Variants in SPATA18 observed in about 807,000 individuals in gnomAD.
SPATA18 encodes the protein mitochondria-eating protein.
Under a neutral mutation model 68.1 loss-of-function variants are expected in SPATA18, and 54 were observed. The observed-to-expected ratio is 0.79, with a 90% CI of 0.64 to 0.99. The LOEUF (loss-of-function observed/expected upper bound fraction) is 0.99. Ranked by LOEUF, SPATA18 falls within the 50% of genes least tolerant of loss-of-function variation. The probability of loss-of-function intolerance (pLI) is 0.00; values close to 1 mark genes in which losing one functional copy is unlikely to be tolerated. For missense variants in SPATA18, 724 were observed against 681.1 expected (o/e 1.06, Z -0.70); for synonymous variants, 242 against 244.8 (o/e 0.99, Z 0.11).
rs777367699 is a variant in SPATA18 at position 52,069,891 on chromosome 4, G to A, written c.493G>A (p.Glu165Lys). 42 of 1,590,918 alleles carry A rather than the reference G, an allele frequency of 2.6e-5. No homozygotes were observed. The South Asian group carries it at 4.6e-4, about 17-fold the overall frequency. The change falls in exon 5 of 13, where the codon GAG (glutamate) becomes AAG (lysine). Residue 165 changes from glutamate (E) to lysine (K), a missense_variant. Glu to Lys is a moderately conservative substitution (Grantham distance 56). Coordinates refer to ENST00000295213, the MANE Select transcript of SPATA18 (RefSeq NM_145263.4). Reference protein sequence around the residue: ...RSAISLLAAEEEINQLKKQLK... With the variant: ...RSAISLLAAEKEINQLKKQLK... ...GGCCATATCCCTTTTGGCTGCAGAGGAGGAAATAAATCAGCTGAAAAAGCA... is the reference window on the plus strand; with the variant it reads ...GGCCATATCCCTTTTGGCTGCAGAGAAGGAAATAAATCAGCTGAAAAAGCA...
At chr4:52,058,690 C>T (rs933592157) in intron 1 of SPATA18, among the ~76,000 whole-genome samples, 35 of 152,152 alleles carry the variant, frequency 2.3e-4, no homozygotes, top group African/African-American at 8.4e-4. Flanking sequence ...GATGCCCTCC[C>T]CATTCACTCT....
intron 6 of SPATA18, 40 bp from the exon 7 acceptor site, chr4:52,076,739 A>G: frequency 1.2e-6 from 2 of 1,602,380 alleles, no homozygotes; most frequent in Non-Finnish European, 1.7e-6. Context: ...TTAAGAAGCA[A>G]ATCAAAGGAT....
At chr4:52,078,921 G>A in intron 8 of SPATA18, 28 bp downstream of exon 8, 1 of 1,528,948 alleles carries the variant, frequency 6.5e-7, no homozygotes, top group Non-Finnish European at 8.9e-7. Flanking sequence ...TATTAGGACT[G>A]GTTTGCTGCT....
In SPATA18 at chr4:52,076,921, G is replaced by A. The variant is rs769251882; in HGVS notation, c.901G>A (p.Ala301Thr). ...SKLSNVARKA[A>T]LLSRFSDSYS... is the part of the protein sequence containing the mutation. Reference sequence around the variant, plus strand: ...GCTGTCCAATGTGGCGCGCAAGGCTGCCCTCTTGTCCCGGTTCAGCGATTC... The same window carrying A: ...GCTGTCCAATGTGGCGCGCAAGGCTACCCTCTTGTCCCGGTTCAGCGATTC... The change falls in exon 7 of 13, where the codon GCC becomes ACC. Residue 301 changes from alanine to threonine, a missense_variant. By Grantham distance (58) the Ala-to-Thr change is moderately conservative. Transcript: ENST00000295213. The A allele has an allele frequency of 5.0e-6, 8 of 1,614,180 alleles. No individual in the cohort carries two copies. Among genetic ancestry groups the A allele is most frequent in the Non-Finnish European group, 6.8e-6 (8 of 1,180,036 alleles).
rs1001048520 is a variant in SPATA18 at position 52,084,846 on chromosome 4, T to G, written c.1480-70T>G. ...AAACTCTTATTCTGTGGGATATGCA[T>G]GTTGTTTTGAGCCATGACAGTTTTC... is the stretch of plus-strand genomic sequence containing the variant. On this transcript the variant is annotated intron_variant, in intron 10 of 12. Transcript: ENST00000295213. 3.5e-6 allele frequency: 5 copies of G among 1,415,696 alleles called. No homozygotes were observed. The East Asian group carries it at 6.9e-5, about 19-fold the overall frequency. 87.7% of individuals were successfully genotyped at this position (1,415,696 alleles called of 1,614,324 possible).
In SPATA18 at chr4:52,077,077, C is replaced by T. The variant is rs778223227; in HGVS notation, c.1020+37C>T. ...CTGCGGGACTCCCGGCTCCTTAGGG[C>T]AGCCGGGAGACAAGTTCTGTAACGT... On this transcript the variant is annotated intron_variant, in intron 7 of 12. Transcript: ENST00000295213. The T allele has an allele frequency of 1.9e-6, 3 of 1,550,862 alleles. No individual in the cohort carries two copies. The East Asian group carries it at 7.2e-5, about 37-fold the overall frequency.
intron 1 of SPATA18, among the ~76,000 whole-genome samples, chr4:52,054,112 A>C (rs1738131693): frequency 6.6e-6 from 1 of 152,232 alleles, no homozygotes; most frequent in Admixed American, 6.5e-5. Context: ...ATTGTCCAAT[A>C]AGGTGACTAT....
intron 4 of SPATA18, 89 bp downstream of exon 4, chr4:52,062,421 T>A: frequency 1.1e-6 from 1 of 883,744 alleles, no homozygotes; most frequent in Non-Finnish European, 1.8e-6. Context: ...ATGGCTCATG[T>A]AAAATGTGGG....
intron 3 of SPATA18, among the ~76,000 whole-genome samples, chr4:52,061,913 G>A (rs1738889525): frequency 6.6e-6 from 1 of 152,104 alleles, no homozygotes; most frequent in Non-Finnish European, 1.5e-5. Context: ...TGGAAATTGA[G>A]GTATAATTTA....
Position 52,051,534 on chromosome 4 carries a change from C to T in SPATA18, c.-171C>T, listed in dbSNP as rs900842343. 6 of 657,360 alleles carry T rather than the reference C, an allele frequency of 9.1e-6. No homozygotes were observed. Among genetic ancestry groups the T allele is most frequent in the Non-Finnish European group, 1.6e-5 (6 of 380,464 alleles). 40.7% of individuals were successfully genotyped at this position (657,360 alleles called of 1,614,324 possible). A position where few individuals can be genotyped will look rare whatever the true frequency, so the allele number is the denominator to read the frequency against. ...CCAGGGCACCTCCCCTCTGGCTTCCCGAACCCGGCCAGGTCCGACCCGAGG... is the reference window on the plus strand; with the variant it reads ...CCAGGGCACCTCCCCTCTGGCTTCCTGAACCCGGCCAGGTCCGACCCGAGG... On this transcript the variant is annotated 5_prime_UTR_variant, in exon 1 of 13. Coordinates refer to ENST00000295213, the MANE Select transcript of SPATA18 (RefSeq NM_145263.4).
chr4:52,061,153 A>C (rs972210749), intron 3 of SPATA18, among the ~76,000 whole-genome samples: 1 of 152,202 alleles, frequency 6.6e-6, no homozygotes, highest in Non-Finnish European at 1.5e-5. Context: ...CTTTACTTTG[A>C]AACATTTATA....
In SPATA18 at chr4:52,084,924, G is replaced by A. The variant is rs545729295; in HGVS notation, c.1488G>A (p.Ser496=). 23 of 1,613,786 alleles carry A rather than the reference G, an allele frequency of 1.4e-5. No homozygotes were observed. Among genetic ancestry groups the A allele is most frequent in the East Asian group, 1.3e-4 (6 of 44,866 alleles). Reference sequence around the variant, plus strand: ...TCTCTCTCTTTTTTAAGTGGAATTCGGTGCGATCTGTAAGTCGTTGTCGAA... The same window carrying A: ...TCTCTCTCTTTTTTAAGTGGAATTCAGTGCGATCTGTAAGTCGTTGTCGAA... ...AVTRRGAFWN[S]VRSVSRCRSR... is the part of the protein sequence containing the mutation. The change falls in exon 11 of 13, where the codon TCG becomes TCA. Residue 496 remains serine, a synonymous_variant. Coordinates refer to ENST00000295213, the MANE Select transcript of SPATA18 (RefSeq NM_145263.4).
intron 11 of SPATA18, among the ~76,000 whole-genome samples, chr4:52,092,606 T>G (rs911682140): frequency 6.6e-6 from 1 of 152,230 alleles, no homozygotes; most frequent in Non-Finnish European, 1.5e-5. Context: ...CTCACTTGCC[T>G]TCTGCGTTGA....
rs758283137 is a variant in SPATA18, at chr4:52,076,889, G to A, written c.869G>A (p.Arg290His). The A allele has an allele frequency of 1.2e-6, 2 of 1,614,162 alleles. No homozygotes were observed. The highest frequency in any genetic ancestry group is 1.3e-5 in the African/African-American group (1 of 75,046). ...AVKVRRPSPN[R>H]SKLSNVARKA... The stretch of plus-strand genomic sequence containing the variant: ...AAGGTCAGGAGACCGTCCCCAAACC[G>A]CTCCAAGCTGTCCAATGTGGCGCGC... The change falls in exon 7 of 13, where the codon CGC (arginine) becomes CAC (histidine). Residue 290 changes from arginine (R) to histidine (H), a missense_variant. By Grantham distance (29) the Arg-to-His change is conservative. Transcript: ENST00000295213.
At position 52,076,812 on chromosome 4, in the gene SPATA18, TCGCAGCCGTAGCTGCAGCCGCAG is replaced by T. The variant is rs770816591; in HGVS notation, c.794_816del (p.Arg265GlnfsTer57). 4 of 1,614,054 alleles carry T rather than the reference TCGCAGCCGTAGCTGCAGCCGCAG, an allele frequency of 2.5e-6. No individual in the cohort carries two copies. The highest frequency in any genetic ancestry group is 3.4e-6 in the Non-Finnish European group (4 of 1,179,970). On this transcript the variant is annotated frameshift_variant, in exon 7 of 13. Transcript: ENST00000295213. LOFTEE classifies it high-confidence loss of function. ...GGAGCCGGTCTCCCAGCCCTGCCCC[TCGCAGCCGTAGCTGCAGCCGCAG>T]CAGATCTGCCAGCCCCTCCACCGCT...
intron 11 of SPATA18, among the ~76,000 whole-genome samples, chr4:52,092,961 G>A (rs911831695): frequency 6.6e-6 from 1 of 152,136 alleles, no homozygotes. Flanking sequence ...TGGACACAAA[G>A]AGGGAACAGC....
In SPATA18 at chr4:52,051,572, A is replaced by G. The variant is rs1021823925; in HGVS notation, c.-133A>G. 9.3e-6 allele frequency: 8 copies of G among 860,122 alleles called. 1 individual carries two copies. Among genetic ancestry groups the G allele is most frequent in the South Asian group, 4.5e-5 (3 of 66,734 alleles). The allele number at this position is 860,122 out of a possible 1,614,324, so 53.3% of individuals were successfully genotyped here. The stretch of plus-strand genomic sequence containing the variant: ...GTCCGACCCGAGGGGGAGGATGGAA[A>G]CACCTGCCGCGCTCTGAGCCCCCCA... On this transcript the variant is annotated 5_prime_UTR_variant, in exon 1 of 13. Coordinates refer to ENST00000295213, the MANE Select transcript of SPATA18 (RefSeq NM_145263.4).
intron 1 of SPATA18, among the ~76,000 whole-genome samples, chr4:52,054,880 A>C (rs1384643080): frequency 6.6e-6 from 1 of 150,650 alleles, no homozygotes; most frequent in Non-Finnish European, 1.5e-5. Context: ...AAAAAGAAAA[A>C]ACCTTTTGAC....
intron 10 of SPATA18, 108 bp from the exon 11 acceptor site, chr4:52,084,807 TA>T: frequency 1.9e-6 from 2 of 1,035,306 alleles, no homozygotes; most frequent in Non-Finnish European, 2.9e-6. Context: ...TGGGCAAGTG[TA>T]ATCACATAAG....
Sources: allele counts gnomAD v4.1 joint callset (sites outside exome capture counted in the v4.1 genomes callset), GRCh38; gene constraint gnomAD v4.1.1; transcripts MANE v1.5; gene names NCBI Gene and HGNC (gene_info 2026-07-23, HGNC 2026-07-21).